CADPS2: variants seen among roughly 807,000 people sequenced by gnomAD.
CADPS2 encodes calcium-dependent secretion activator 2.
CADPS2 carries 93 observed loss-of-function variants against 172.5 expected under a neutral mutation model. The ratio of observed to expected loss-of-function variants is 0.54; its 90% CI spans 0.46 to 0.64. The LOEUF is 0.64. CADPS2 is among the 30% of genes least tolerant of loss of function. The probability of loss-of-function intolerance (pLI) is 0.00; values close to 1 mark genes in which losing one functional copy is unlikely to be tolerated. For missense variants in CADPS2, 1,420 were observed against 1,565.9 expected, an observed-to-expected ratio of 0.91 and a Z score of 1.57; for synonymous variants, 546 against 555.2, an observed-to-expected ratio of 0.98 and a Z score of 0.23.
At chr7:122,657,095 G>A (rs2079895041) in intron 3 of CADPS2, among the ~76,000 whole-genome samples, 1 of 152,098 alleles carries the variant, frequency 6.6e-6, no homozygotes, top group African/African-American at 2.4e-5. Context: ...TTTTTGTCAG[G>A]TTTGTCAAAG....
At chr7:122,634,092 T>A (rs1223874105) in intron 3 of CADPS2, among the ~76,000 whole-genome samples, 1 of 152,190 alleles carries the variant, frequency 6.6e-6, no homozygotes, top group African/African-American at 2.4e-5. Context: ...GGTAGTATTG[T>A]ATTGAGGAGT....
At chr7:122,366,957 T>G (rs942015111) in intron 25 of CADPS2, 5 of 152,192 alleles carry the variant, frequency 3.3e-5, no homozygotes, top group African/African-American at 9.6e-5. Context: ...CAGATGTTGG[T>G]GAATTCACCA....
At chr7:122,727,588 T>C (rs2091236830) in intron 2 of CADPS2, among the ~76,000 whole-genome samples, 1 of 151,810 alleles carries the variant, frequency 6.6e-6, no homozygotes. Flanking sequence ...CACCTAAAAA[T>C]GCATGAAGAG....
intron 9 of CADPS2, among the ~76,000 whole-genome samples, chr7:122,506,347 G>A (rs1338512091): frequency 6.6e-6 from 1 of 152,176 alleles, no homozygotes; most frequent in East Asian, 1.9e-4. Context: ...TGTAAAGAAT[G>A]GATTTGTTGA....
intron 6 of CADPS2, among the ~76,000 whole-genome samples, chr7:122,590,448 T>C (rs1005288657): frequency 2.6e-5 from 4 of 151,900 alleles, no homozygotes; most frequent in African/African-American, 9.7e-5. Flanking sequence ...AGAACATGGA[T>C]TTATGTAATT....
In CADPS2 at chr7:122,737,063, G is replaced by A. The variant is rs200334358; in HGVS notation, c.345C>T (p.Asn115=). 37 of 1,572,390 alleles carry A rather than the reference G, an allele frequency of 2.4e-5. No individual in the cohort carries two copies. The African/African-American group carries it at 4.6e-4, about 19-fold the overall frequency. ...CTTTCAGTAACTGCAACTGTTGTTT[G>A]TTAAGCTACAAGAAAAAGAGAAAAT... is the stretch of plus-strand genomic sequence containing the variant. ...TDMARRQQKL[N]KQQLQLLKER... Residue 115 remains asparagine (N), a synonymous_variant, in exon 2 of 30, where the codon AAC becomes AAT. Coordinates refer to ENST00000449022, the MANE Select transcript of CADPS2 (RefSeq NM_017954.11).
At chr7:122,344,957 A>G (rs1433012106) in intron 28 of CADPS2, among the ~76,000 whole-genome samples, 1 of 152,098 alleles carries the variant, frequency 6.6e-6, no homozygotes, top group African/African-American at 2.4e-5. Context: ...AAGGAGAAAA[A>G]ACTTCTACCT....
chr7:122,712,025 T>G (rs2088829467), intron 2 of CADPS2, among the ~76,000 whole-genome samples: 1 of 152,022 alleles, frequency 6.6e-6, no homozygotes, highest in South Asian at 2.1e-4. Context: ...CATTTTTAAA[T>G]TTAAAAAAAA....
At chr7:122,329,031 G>C (rs777669221) in intron 28 of CADPS2, among the ~76,000 whole-genome samples, 13 of 151,984 alleles carry the variant, frequency 8.6e-5, no homozygotes, top group Non-Finnish European at 1.5e-4. Flanking sequence ...ATTGAGAAGC[G>C]CAGCACTTGT....
intron 6 of CADPS2, among the ~76,000 whole-genome samples, chr7:122,598,825 G>A (rs899194406): frequency 4.6e-5 from 7 of 152,182 alleles, no homozygotes; most frequent in African/African-American, 7.2e-5. Flanking sequence ...CTGAGGATAC[G>A]ATGTTGAATA....
chr7:122,409,723 T>C (rs149153356), intron 19 of CADPS2: 193 of 433,136 alleles, frequency 4.5e-4, no homozygotes, highest in African/African-American at 3.7e-3. Flanking sequence ...GTCTACAACC[T>C]GTCCCCTTCT....
chr7:122,412,376 G>T (rs1008422584), intron 19 of CADPS2, among the ~76,000 whole-genome samples: 1 of 151,820 alleles, frequency 6.6e-6, no homozygotes, highest in Admixed American at 6.6e-5. Context: ...GAGGAATAAG[G>T]GTACACACAA....
chr7:122,691,887 G>A (rs575014507), intron 2 of CADPS2, among the ~76,000 whole-genome samples: 23 of 152,314 alleles, frequency 1.5e-4, no homozygotes, highest in African/African-American at 5.1e-4. Context: ...AGACAGCCAA[G>A]TGGCGAACGC....
At chr7:122,409,291 T>C (rs2047025517) in intron 19 of CADPS2, among the ~76,000 whole-genome samples, 1 of 152,168 alleles carries the variant, frequency 6.6e-6, no homozygotes, top group Admixed American at 6.5e-5. Flanking sequence ...CAAAGAGACA[T>C]TTTCAAAATC....
chr7:122,480,714 T>C (rs2057187414), intron 12 of CADPS2, 138 bp downstream of exon 12: 2 of 562,108 alleles, frequency 3.6e-6, no homozygotes, highest in Non-Finnish European at 5.9e-6. Flanking sequence ...TTGTAATCAA[T>C]AAAGCTAACT....
chr7:122,395,319 GA>G (rs1210737545), intron 20 of CADPS2, among the ~76,000 whole-genome samples: 6 of 152,094 alleles, frequency 3.9e-5, no homozygotes, highest in African/African-American at 1.4e-4. Flanking sequence ...ACCTCTAATT[GA>G]TATGGGTTAG....
At chr7:122,346,384 C>T (rs2037664872) in intron 27 of CADPS2, among the ~76,000 whole-genome samples, 1 of 151,958 alleles carries the variant, frequency 6.6e-6, no homozygotes, top group South Asian at 2.1e-4. Context: ...ACAAATGAAA[C>T]AAAATAAAAC....
At chr7:122,353,252 C>T (rs1334633437) in intron 27 of CADPS2, among the ~76,000 whole-genome samples, 2 of 152,148 alleles carry the variant, frequency 1.3e-5, no homozygotes, top group Non-Finnish European at 2.9e-5. Flanking sequence ...GACCCCATAT[C>T]AAGTCTGTGC....
At chr7:122,750,283 T>A (rs2092897541) in intron 1 of CADPS2, among the ~76,000 whole-genome samples, 1 of 152,148 alleles carries the variant, frequency 6.6e-6, no homozygotes, top group African/African-American at 2.4e-5. Context: ...TTTGTGTAAT[T>A]ATTTCATCAT....
Sources: gnomAD v4.1 joint callset for allele counts (sites outside exome capture counted in the v4.1 genomes callset) on GRCh38, gnomAD v4.1.1 for gene constraint, MANE v1.5 for transcripts, NCBI Gene and HGNC (gene_info 2026-07-23, HGNC 2026-07-21) for gene names.